Variants in DPY19L1 observed in about 807,000 individuals in gnomAD.
DPY19L1 encodes dpy-19 like C-mannosyltransferase 1.
In DPY19L1, 35 loss-of-function variants were observed where a neutral mutation model predicts 96.9. The observed-to-expected ratio is 0.36, with a 90% CI of 0.28 to 0.48. DPY19L1 has a LOEUF of 0.48. Ranked by LOEUF, DPY19L1 falls within the 20% of genes least tolerant of loss-of-function variation. The pLI is 0.99. For synonymous variants in DPY19L1, 205 were observed against 252.6 expected, an observed-to-expected ratio of 0.81 and a Z score of 1.79; for missense variants, 521 against 777.9, an observed-to-expected ratio of 0.67 and a Z score of 3.93.
intron 16 of DPY19L1, among the ~76,000 whole-genome samples, chr7:34,943,586 TCTC>T (rs1164629081): frequency 1.3e-5 from 2 of 152,188 alleles, no homozygotes; most frequent in Non-Finnish European, 2.9e-5. Context: ...GTCCTACTCT[TCTC>T]CTTTTTACAC....
At chr7:35,017,485 G>A (rs1310686740) in intron 3 of DPY19L1, among the ~76,000 whole-genome samples, 1 of 72,578 alleles carries the variant, frequency 1.4e-5, no homozygotes, top group African/African-American at 6.6e-5. Context: ...CTGGGCGACA[G>A]AGCGAGACTC....
chr7:35,035,458 T>C (rs35254981), intron 1 of DPY19L1, among the ~76,000 whole-genome samples: 8,958 of 152,196 alleles, frequency 0.059, 363 homozygotes, highest in Middle Eastern at 0.18. Flanking sequence ...GCAATAAATA[T>C]CATTATTCTA....
chr7:35,002,523 A>T (rs1265635458), intron 6 of DPY19L1, among the ~76,000 whole-genome samples: 1 of 152,150 alleles, frequency 6.6e-6, no homozygotes, highest in East Asian at 1.9e-4. Flanking sequence ...TAAGTAAAGA[A>T]ATAATTCAAG....
chr7:34,980,327 A>G (rs1044672237), intron 7 of DPY19L1, among the ~76,000 whole-genome samples: 2 of 152,116 alleles, frequency 1.3e-5, no homozygotes, highest in African/African-American at 4.8e-5. Flanking sequence ...TCAAGCTTCT[A>G]AAAGAAAATA....
intron 6 of DPY19L1, among the ~76,000 whole-genome samples, chr7:35,002,801 C>T (rs1246586298): frequency 1.3e-5 from 2 of 152,178 alleles, no homozygotes; most frequent in Non-Finnish European, 2.9e-5. Context: ...CGGAGTCTTG[C>T]TCTGTCGCCC....
At chr7:34,957,932 T>A (rs1784412935) in intron 11 of DPY19L1, 52 bp downstream of exon 11, 2 of 1,230,852 alleles carry the variant, frequency 1.6e-6, no homozygotes, top group Non-Finnish European at 1.1e-6. Flanking sequence ...AAGAAAAAAT[T>A]GTTAAACCAT....
At chr7:35,000,320 A>G (rs576425579) in intron 6 of DPY19L1, 1 of 152,326 alleles carries the variant, frequency 6.6e-6, no homozygotes, top group Non-Finnish European at 1.5e-5. Flanking sequence ...AAAAAAAGAA[A>G]AACTTTCCAT....
intron 4 of DPY19L1, among the ~76,000 whole-genome samples, chr7:35,012,344 G>C (rs1419081305): frequency 2.0e-5 from 3 of 152,126 alleles, no homozygotes. Context: ...TCCCCCTTCA[G>C]GTGTTGGCCC....
At chr7:34,963,663 G>A (rs1784550501) in intron 10 of DPY19L1, among the ~76,000 whole-genome samples, 1 of 150,642 alleles carries the variant, frequency 6.6e-6, no homozygotes, top group South Asian at 2.1e-4. Flanking sequence ...TGGAATCCAA[G>A]TATCCATGGA....
At chr7:34,962,438 TA>T (rs1295235202) in intron 10 of DPY19L1, among the ~76,000 whole-genome samples, 4 of 152,098 alleles carry the variant, frequency 2.6e-5, no homozygotes, top group East Asian at 1.9e-4. Context: ...TGCCATGGGT[TA>T]GGGGGAAGGA....
chr7:34,992,695 A>G (rs2128672983), intron 6 of DPY19L1, among the ~76,000 whole-genome samples: 1 of 151,930 alleles, frequency 6.6e-6, no homozygotes, highest in East Asian at 1.9e-4. Flanking sequence ...TACAGGTGTG[A>G]CCCTGCCTTC....
chr7:34,961,838 A>G (rs1174914181), intron 10 of DPY19L1, among the ~76,000 whole-genome samples: 1 of 152,208 alleles, frequency 6.6e-6, no homozygotes, highest in Non-Finnish European at 1.5e-5. Flanking sequence ...CTTCACCAAA[A>G]AAGATACACA....
chr7:34,971,254 T>C (rs1458375402), intron 8 of DPY19L1, among the ~76,000 whole-genome samples: 1 of 152,176 alleles, frequency 6.6e-6, no homozygotes, highest in Non-Finnish European at 1.5e-5. Flanking sequence ...AGAAGGTTAC[T>C]ATCCTTCAGA....
intron 3 of DPY19L1, among the ~76,000 whole-genome samples, chr7:35,016,599 C>T (rs1246926792): frequency 6.6e-6 from 1 of 152,160 alleles, no homozygotes; most frequent in African/African-American, 2.4e-5. Flanking sequence ...CTAACCTAGG[C>T]TGATGGCTAG....
chr7:35,036,036 T>C (rs1234986930), intron 1 of DPY19L1, among the ~76,000 whole-genome samples: 1 of 152,176 alleles, frequency 6.6e-6, no homozygotes, highest in African/African-American at 2.4e-5. Flanking sequence ...ACAACCTTCT[T>C]GAGCCCATTA....
At chr7:34,934,473 TTTAA>T (rs1284742244) in intron 21 of DPY19L1, among the ~76,000 whole-genome samples, 2 of 152,226 alleles carry the variant, frequency 1.3e-5, no homozygotes, top group African/African-American at 2.4e-5. Flanking sequence ...AGACAGATAC[TTTAA>T]TTGTTTCCCA....
chr7:35,013,851 A>G, intron 3 of DPY19L1, 146 bp from the exon 4 acceptor site: 1 of 549,946 alleles, frequency 1.8e-6, no homozygotes, highest in African/African-American at 2.0e-5. Context: ...ATCACTGATA[A>G]ATCCTAAAGT....
rs1344411417 is a variant in DPY19L1 at position 34,952,978 on chromosome 7, C to A, written c.1320+1720G>T. The stretch of plus-strand genomic sequence containing the variant: ...GCTCCCATCCACCTCAGCACCACCC[C>A]CATCTCCCCCATACTGTTAGTCCAA... On this transcript the variant is annotated intron_variant, in intron 13 of 21. Coordinates refer to ENST00000638088, the MANE Select transcript of DPY19L1 (RefSeq NM_001366673.1). 5.9e-5 allele frequency among the ~76,000 whole-genome samples: 9 copies of A among 152,116 alleles called. 1 individual carries two copies. In the East Asian group the frequency reaches 1.7e-3, roughly 29 times the overall value.
At position 35,033,058 on chromosome 7, in the gene DPY19L1, T is replaced by C. The variant is rs1438068418; in HGVS notation, c.298+4039A>G. Among the ~76,000 whole-genome samples the C allele has an allele frequency of 2.0e-5, 3 of 152,220 alleles. No individual in the cohort carries two copies. In the South Asian group the frequency reaches 6.2e-4, roughly 32 times the overall value. On this transcript the variant is annotated intron_variant, in intron 1 of 21. Coordinates refer to ENST00000638088, the MANE Select transcript of DPY19L1 (RefSeq NM_001366673.1). ...ATTTAATCATGTCACTCTCCTCCTG[T>C]TGAGCATTCCTCAATGGCTTCCTGT...
Sources: allele counts gnomAD v4.1 joint callset (sites outside exome capture counted in the v4.1 genomes callset), GRCh38; gene constraint gnomAD v4.1.1; transcripts MANE v1.5; gene names NCBI Gene and HGNC (gene_info 2026-07-23, HGNC 2026-07-21).